DDX6: variants seen among roughly 807,000 people sequenced by gnomAD.
DDX6 encodes the protein DEAD-box helicase 6.
A neutral mutation model predicts 60.6 loss-of-function variants in DDX6; 7 were observed. That is an observed-to-expected ratio of 0.12 (90% CI 0.07 to 0.22). The LOEUF (loss-of-function observed/expected upper bound fraction) is 0.22. DDX6 is among the 10% of genes least tolerant of loss of function. The probability of loss-of-function intolerance (pLI) is 1.00; values close to 1 mark genes in which losing one functional copy is unlikely to be tolerated. For synonymous variants in DDX6, 207 were observed against 201.0 expected (o/e 1.03, Z -0.25); for missense variants, 270 against 589.9 (o/e 0.46, Z 5.62).
chr11:118,780,993 G>A (rs1555164577), intron 3 of DDX6, 128 bp downstream of exon 3: 2 of 608,772 alleles, frequency 3.3e-6, no homozygotes, highest in South Asian at 4.2e-5. Context: ...CTATCTTACT[G>A]GGTTGGAGGA....
At chr11:118,756,169 T>C (rs1019122044) in intron 11 of DDX6, 91 bp downstream of exon 11, 2 of 943,816 alleles carry the variant, frequency 2.1e-6, no homozygotes, top group Non-Finnish European at 1.7e-6. Flanking sequence ...TGTCGGACTA[T>C]GTCACAGGTT....
At position 118,781,146 on chromosome 11, in the gene DDX6, G is replaced by A. The variant is rs2137535710; in HGVS notation, c.239C>T (p.Pro80Leu). ...CGAAGTTTTGATTCTTAGATCCTTTGGAGGGAGTTTTAAAGTCTTTTTCCA... is the reference window on the plus strand; with the variant it reads ...CGAAGTTTTGATTCTTAGATCCTTTAGAGGGAGTTTTAAAGTCTTTTTCCA... The part of the protein sequence containing the change: ...DDWKKTLKLP[P>L]KDLRIKTSDV... The change falls in exon 3 of 14, where the codon CCA becomes CTA. Residue 80 changes from proline to leucine, a missense_variant. Coordinates refer to ENST00000534980, the MANE Select transcript of DDX6 (RefSeq NM_004397.6). 6.2e-7 allele frequency: 1 copy of A among 1,606,136 alleles called. No individual in the cohort carries two copies. The highest frequency in any genetic ancestry group is 1.1e-5 in the South Asian group (1 of 89,892).
At chr11:118,763,360 G>T in intron 6 of DDX6, 54 bp from the exon 7 acceptor site, 1 of 1,358,680 alleles carries the variant, frequency 7.4e-7, no homozygotes, top group South Asian at 1.2e-5. Flanking sequence ...TGAGCAAAGA[G>T]GATAAAGGTT....
rs1860907420 is a variant in DDX6 at position 118,754,774 on chromosome 11, T to C, written c.1390A>G (p.Ile464Val). 1 of 1,613,820 alleles carries C rather than the reference T, an allele frequency of 6.2e-7. No homozygotes were observed. The change falls in exon 13 of 14, where the codon ATT becomes GTT. Residue 464 changes from isoleucine to valine, a missense_variant. Coordinates refer to ENST00000534980, the MANE Select transcript of DDX6 (RefSeq NM_004397.6). The stretch of plus-strand genomic sequence containing the variant: ...TCTGCCACATACAGGCTCTTATCAA[T>C]GTTGCTCGGAATAGGTTTAATTTCT... ...GTEIKPIPSN[I>V]DKSLYVAEYH...
At chr11:118,756,885 AGGAAG>A (rs782001765) in intron 10 of DDX6, among the ~76,000 whole-genome samples, 16 of 152,328 alleles carry the variant, frequency 1.1e-4, no homozygotes, top group Admixed American at 2.0e-4. Flanking sequence ...AAACATGGAA[AGGAAG>A]GGAAGAATAA....
intron 5 of DDX6, among the ~76,000 whole-genome samples, chr11:118,766,104 T>C (rs902981255): frequency 3.0e-4 from 46 of 151,836 alleles, no homozygotes; most frequent in African/African-American, 1.1e-3. Flanking sequence ...CACTGCCCCT[T>C]ATAATCTAGA....
At chr11:118,775,089 T>C (rs922934802) in intron 4 of DDX6, among the ~76,000 whole-genome samples, 1 of 151,430 alleles carries the variant, frequency 6.6e-6, no homozygotes, top group Non-Finnish European at 1.5e-5. Flanking sequence ...CCGAGGAGAG[T>C]GGATCGCCTG....
chr11:118,759,022 T>C, intron 8 of DDX6, 120 bp from the exon 9 acceptor site: 1 of 1,314,778 alleles, frequency 7.6e-7, no homozygotes, highest in Non-Finnish European at 1.0e-6. Context: ...GGGACGCAAC[T>C]CTCTTCAAAA....
At chr11:118,770,472 T>C (rs1861500039) in intron 4 of DDX6, among the ~76,000 whole-genome samples, 1 of 152,038 alleles carries the variant, frequency 6.6e-6, no homozygotes, top group African/African-American at 2.4e-5. Context: ...TTGGTAGAAA[T>C]GACTAAATAA....
At position 118,751,176 on chromosome 11, in the gene DDX6, C is replaced by T. The variant is rs1555157210; in HGVS notation, c.*929G>A. The T allele has an allele frequency of 6.6e-6, 1 of 151,974 alleles. No homozygotes were observed. The highest frequency in any genetic ancestry group is 6.6e-5 in the Admixed American group (1 of 15,178). The allele number at this position is 151,974 out of a possible 1,614,324, so 9.4% of individuals were successfully genotyped here. A position where few individuals can be genotyped will look rare whatever the true frequency, so the allele number is the denominator to read the frequency against. On this transcript the variant is annotated 3_prime_UTR_variant, in exon 14 of 14. Coordinates refer to ENST00000534980, the MANE Select transcript of DDX6 (RefSeq NM_004397.6). ...ACGCTTTGCCACAGAGGAAAGAGGGCCAAGGCTCTGACATGTCTACACATC... is the reference window on the plus strand; with the variant it reads ...ACGCTTTGCCACAGAGGAAAGAGGGTCAAGGCTCTGACATGTCTACACATC...
At chr11:118,760,695 C>A (rs1861134531) in intron 7 of DDX6, among the ~76,000 whole-genome samples, 1 of 151,864 alleles carries the variant, frequency 6.6e-6, no homozygotes. Flanking sequence ...GTGGTACGCA[C>A]CTATAATCCC....
At position 118,751,978 on chromosome 11, in the gene DDX6, T is replaced by C. The variant is rs534939067; in HGVS notation, c.*127A>G. ...TCACCAGTTAAAAAAAGAAAATGTC[T>C]GAGCTCTTTTAAGTCTTCATAGTTC... On this transcript the variant is annotated 3_prime_UTR_variant, in exon 14 of 14. Coordinates refer to ENST00000534980, the MANE Select transcript of DDX6 (RefSeq NM_004397.6). 34 of 386,654 alleles carry C rather than the reference T, an allele frequency of 8.8e-5. No homozygotes were observed. The East Asian group carries it at 2.9e-3, about 33-fold the overall frequency. 24.0% of individuals were successfully genotyped at this position (386,654 alleles called of 1,614,324 possible).
chr11:118,755,295 C>A, intron 12 of DDX6, 107 bp downstream of exon 12: 1 of 664,922 alleles, frequency 1.5e-6, no homozygotes, highest in South Asian at 1.8e-5. Context: ...ACTGTTAATT[C>A]ACTGTTCTCA....
At chr11:118,770,947 AT>A (rs1219193644) in intron 4 of DDX6, among the ~76,000 whole-genome samples, 3 of 152,156 alleles carry the variant, frequency 2.0e-5, no homozygotes, top group African/African-American at 7.2e-5. Flanking sequence ...TACAGCCAGC[AT>A]TAAAGACTCT....
At position 118,764,824 on chromosome 11, in the gene DDX6, A is replaced by ACACACACACACG. The variant is rs1216739223; in HGVS notation, c.646+384_646+385insCGTGTGTGTGTG. ...ATCTCCAAAAAAAAAAAAAATATAC[A>ACACACACACACG]CACACACACACACATTATATATACA... On this transcript the variant is annotated intron_variant, in intron 6 of 13. Coordinates refer to ENST00000534980, the MANE Select transcript of DDX6 (RefSeq NM_004397.6). 1.5e-3 allele frequency among the ~76,000 whole-genome samples: 221 copies of ACACACACACACG among 149,752 alleles called. 2 individuals are homozygous for ACACACACACACG. The highest frequency in any genetic ancestry group is 5.3e-3 in the African/African-American group (212 of 40,192).
intron 7 of DDX6, 34 bp from the exon 8 acceptor site, chr11:118,760,078 A>G (rs782363916): frequency 2.5e-6 from 4 of 1,599,658 alleles, no homozygotes; most frequent in East Asian, 2.2e-5. Flanking sequence ...TTTAAAAACA[A>G]TAAAATAATG....
chr11:118,763,635 A>C (rs1374219362), intron 6 of DDX6, among the ~76,000 whole-genome samples: 1 of 152,050 alleles, frequency 6.6e-6, no homozygotes, highest in Admixed American at 6.6e-5. Flanking sequence ...GGAGTTCGAG[A>C]CCAGCCTGGC....
intron 2 of DDX6, among the ~76,000 whole-genome samples, chr11:118,784,380 A>C (rs1862004762): frequency 6.6e-6 from 1 of 152,148 alleles, no homozygotes; most frequent in Admixed American, 6.5e-5. Context: ...TCTAGGTTGT[A>C]ATAAAACATA....
At chr11:118,776,103 C>T (rs782006287) in intron 4 of DDX6, among the ~76,000 whole-genome samples, 1 of 152,184 alleles carries the variant, frequency 6.6e-6, no homozygotes, top group Non-Finnish European at 1.5e-5. Flanking sequence ...AAGATTCTGA[C>T]ACTGCATCCA....
Sources: allele counts gnomAD v4.1 joint callset (sites outside exome capture counted in the v4.1 genomes callset), GRCh38; gene constraint gnomAD v4.1.1; transcripts MANE v1.5; gene names NCBI Gene and HGNC (gene_info 2026-07-23, HGNC 2026-07-21).